Variants in IL20RB observed in about 807,000 individuals in gnomAD.
IL20RB encodes interleukin-20 receptor subunit beta.
Under a neutral mutation model 33.3 loss-of-function variants are expected in IL20RB, and 21 were observed. The ratio of observed to expected loss-of-function variants is 0.63; its 90% confidence interval spans 0.45 to 0.91. The LOEUF (loss-of-function observed/expected upper bound fraction) is 0.91. Among genes scored for constraint, IL20RB ranks in the 40% least tolerant of loss-of-function variants. The pLI, the probability that IL20RB is intolerant of heterozygous loss-of-function variation, is 0.00. For synonymous variants in IL20RB, 147 were observed against 146.8 expected, an observed-to-expected ratio of 1.00 and a Z score of -0.01; for missense variants, 345 against 384.8, an observed-to-expected ratio of 0.90 and a Z score of 0.86.
intron 6 of IL20RB, among the ~76,000 whole-genome samples, chr3:137,004,742 G>A (rs1000084834): frequency 2.0e-5 from 3 of 151,850 alleles, no homozygotes; most frequent in African/African-American, 4.8e-5. Context: ...ATTTTTTGAC[G>A]GGTTTTTTTG....
intron 1 of IL20RB, among the ~76,000 whole-genome samples, chr3:136,963,425 C>G (rs1378870592): frequency 6.6e-6 from 1 of 152,214 alleles, no homozygotes; most frequent in East Asian, 1.9e-4. Flanking sequence ...AAGTGATCCA[C>G]TTGTTCTGTA....
intron 3 of IL20RB, among the ~76,000 whole-genome samples, chr3:136,985,606 G>A (rs1941880421): frequency 6.6e-6 from 1 of 152,144 alleles, no homozygotes. Context: ...CAAAATGCTG[G>A]GATTACAGGT....
At chr3:137,010,060 G>C in intron 6 of IL20RB, 53 bp from the exon 7 acceptor site, 1 of 844,006 alleles carries the variant, frequency 1.2e-6, no homozygotes. Flanking sequence ...ATATTCTTTA[G>C]TATTACTACT....
At chr3:136,986,548 GGACT>G (rs965344073) in intron 3 of IL20RB, 1 of 398,958 alleles carries the variant, frequency 2.5e-6, no homozygotes, top group Non-Finnish European at 5.1e-6. Flanking sequence ...ATGAACCTCA[GGACT>G]GAGTGTGTTT....
intron 6 of IL20RB, among the ~76,000 whole-genome samples, chr3:137,003,337 T>C (rs1942284554): frequency 6.6e-6 from 1 of 152,312 alleles, no homozygotes; most frequent in African/African-American, 2.4e-5. Context: ...GGGGATGGCA[T>C]TGAATGTATA....
At chr3:136,975,174 C>G (rs1204074821) in intron 1 of IL20RB, among the ~76,000 whole-genome samples, 1 of 151,926 alleles carries the variant, frequency 6.6e-6, no homozygotes, top group Non-Finnish European at 1.5e-5. Flanking sequence ...GTCATATGTC[C>G]TTGCCTTTTC....
intron 3 of IL20RB, among the ~76,000 whole-genome samples, chr3:136,984,288 G>C (rs747843): frequency 0.46 from 69,818 of 151,356 alleles, 16,549 homozygotes; most frequent in East Asian, 0.7. Context: ...TAATGGAAAG[G>C]AGAATAGAAC....
rs542148979 is a variant in IL20RB, at chr3:136,961,103, G to A, written c.88+2902G>A. 9.8e-5 allele frequency among the ~76,000 whole-genome samples: 15 copies of A among 152,306 alleles called. 1 individual carries two copies. The highest frequency in any genetic ancestry group is 3.6e-4 in the African/African-American group (15 of 41,558). On this transcript the variant is annotated intron_variant, in intron 1 of 6. Coordinates refer to ENST00000329582, the MANE Select transcript of IL20RB (RefSeq NM_144717.4). ...AGCAGAAAGGGTCTAATTTAAAGACGAATGAGGGATTAAGAAAAGAGTTAG... is the reference window on the plus strand; with the variant it reads ...AGCAGAAAGGGTCTAATTTAAAGACAAATGAGGGATTAAGAAAAGAGTTAG...
intron 1 of IL20RB, among the ~76,000 whole-genome samples, chr3:136,973,108 C>A (rs1225565606): frequency 6.6e-6 from 1 of 151,896 alleles, no homozygotes; most frequent in African/African-American, 2.4e-5. Context: ...GACTTTACAC[C>A]AGTTTAAGTT....
intron 1 of IL20RB, among the ~76,000 whole-genome samples, chr3:136,960,769 T>C (rs1941197251): frequency 6.6e-6 from 1 of 152,202 alleles, no homozygotes; most frequent in African/African-American, 2.4e-5. Flanking sequence ...CCTGTGCCCT[T>C]TATATATCTC....
At chr3:136,986,528 A>G (rs1315795711) in intron 3 of IL20RB, among the ~76,000 whole-genome samples, 1 of 152,172 alleles carries the variant, frequency 6.6e-6, no homozygotes, top group Non-Finnish European at 1.5e-5. Context: ...TAGTGGTGCT[A>G]TGTGGTCATA....
intron 1 of IL20RB, among the ~76,000 whole-genome samples, chr3:136,962,674 C>T (rs1941253968): frequency 6.6e-6 from 1 of 151,506 alleles, no homozygotes; most frequent in Admixed American, 6.6e-5. Context: ...ATCGCTTGAA[C>T]CTGGGAGGCA....
chr3:136,989,384 C>CA, intron 3 of IL20RB, 57 bp from the exon 4 acceptor site: 2 of 1,604,754 alleles, frequency 1.2e-6, no homozygotes, highest in Admixed American at 3.3e-5. Context: ...CATTGTGTTC[C>CA]AGGGAAATCA....
chr3:136,980,168 T>G (rs990487231), intron 1 of IL20RB, among the ~76,000 whole-genome samples: 4 of 152,206 alleles, frequency 2.6e-5, no homozygotes, highest in African/African-American at 9.6e-5. Flanking sequence ...TTAGTCATTA[T>G]TATTATTAAT....
chr3:136,994,059 G>T (rs1942082219), intron 5 of IL20RB, among the ~76,000 whole-genome samples: 1 of 151,814 alleles, frequency 6.6e-6, no homozygotes, highest in Non-Finnish European at 1.5e-5. Flanking sequence ...AAAGGCTGTT[G>T]CTCTAGTTCA....
intron 1 of IL20RB, among the ~76,000 whole-genome samples, chr3:136,971,099 T>C (rs546816013): frequency 2.6e-5 from 4 of 152,190 alleles, no homozygotes; most frequent in Non-Finnish European, 5.9e-5. Context: ...TAGTCTGCTA[T>C]CAGGTATTGA....
At chr3:136,978,792 A>C (rs1452083937) in intron 1 of IL20RB, among the ~76,000 whole-genome samples, 1 of 152,190 alleles carries the variant, frequency 6.6e-6, no homozygotes, top group Non-Finnish European at 1.5e-5. Flanking sequence ...TCATAAAGTA[A>C]GCTGGAAACT....
chr3:136,982,153 TTGAC>T lies in IL20RB; in HGVS notation c.216-6_216-3del, dbSNP rs1343856690. ...GGTGTAACTCTGTGCCCTCCTCTCT[TTGAC>T]AGGGAGTACGAGAGCCTGTACACGA... On this transcript the variant is annotated splice_region_variant and splice_polypyrimidine_tract_variant and intron_variant, in intron 2 of 6. Coordinates refer to ENST00000329582, the MANE Select transcript of IL20RB (RefSeq NM_144717.4). 1.3e-6 allele frequency: 2 copies of T among 1,546,374 alleles called. No homozygotes were observed. Among genetic ancestry groups the T allele is most frequent in the African/African-American group, 2.7e-5 (2 of 73,674 alleles).
At chr3:137,002,019 G>A (rs1160716917) in intron 6 of IL20RB, among the ~76,000 whole-genome samples, 1 of 152,154 alleles carries the variant, frequency 6.6e-6, no homozygotes, top group Non-Finnish European at 1.5e-5. Context: ...GTGAGAACAT[G>A]CGGTGTTTGG....
Sources: allele counts gnomAD v4.1 joint callset (sites outside exome capture counted in the v4.1 genomes callset), GRCh38; gene constraint gnomAD v4.1.1; transcripts MANE v1.5; gene names NCBI Gene and HGNC (gene_info 2026-07-23, HGNC 2026-07-21).